The following NKAIN2 variants were observed in gnomAD, a reference collection of about 807,000 sequenced individuals.
NKAIN2 encodes sodium/potassium-transporting ATPase subunit beta-1-interacting protein 2.
Under a neutral mutation model 32.6 loss-of-function variants are expected in NKAIN2, and 14 were observed. That is an observed-to-expected ratio of 0.43 (90% CI 0.28 to 0.67). The LOEUF (loss-of-function observed/expected upper bound fraction) is 0.67, where lower values mean the gene tolerates loss of function less well. Among genes scored for constraint, NKAIN2 ranks in the 30% least tolerant of loss-of-function variants. The pLI, the probability that NKAIN2 is intolerant of heterozygous loss-of-function variation, is 0.17. For synonymous variants in NKAIN2, 80 were observed against 87.2 expected (o/e 0.92, Z 0.46); for missense variants, 198 against 258.3 (o/e 0.77, Z 1.60).
chr6:124,312,004 TC>T, intron 2 of NKAIN2, among the ~76,000 whole-genome samples: 1 of 152,226 alleles, frequency 6.6e-6, no homozygotes, highest in African/African-American at 2.4e-5. Context: ...CCTGTCAACC[TC>T]CAGTTGTAAA....
intron 2 of NKAIN2, among the ~76,000 whole-genome samples, chr6:124,331,357 A>AC (rs1216301428): frequency 9.7e-5 from 13 of 134,400 alleles, no homozygotes; most frequent in Non-Finnish European, 2.0e-4. Context: ...AAAAAAAAAA[A>AC]AAAAAAAAAA....
intron 3 of NKAIN2, among the ~76,000 whole-genome samples, chr6:124,394,456 G>GAGAC (rs1554200046): frequency 7.0e-6 from 1 of 143,580 alleles, no homozygotes; most frequent in Non-Finnish European, 1.5e-5. Flanking sequence ...GAATCAATAT[G>GAGAC]AGATAGATAG....
chr6:124,077,052 G>A (rs999896021), intron 1 of NKAIN2, among the ~76,000 whole-genome samples: 5 of 152,126 alleles, frequency 3.3e-5, no homozygotes, highest in Non-Finnish European at 1.5e-5. Context: ...TTGTAAATTC[G>A]AAATAACAGT....
chr6:123,836,389 C>A (rs1011836573), intron 1 of NKAIN2, among the ~76,000 whole-genome samples: 1 of 151,706 alleles, frequency 6.6e-6, no homozygotes, highest in African/African-American at 2.4e-5. Flanking sequence ...TATCATGTAC[C>A]CCTTGATATG....
intron 3 of NKAIN2, among the ~76,000 whole-genome samples, chr6:124,656,347 A>G (rs73575532): frequency 2.6e-5 from 4 of 152,064 alleles, no homozygotes; most frequent in African/African-American, 9.7e-5. Context: ...TCAAAATTAA[A>G]CTTCTTCCTT....
intron 3 of NKAIN2, among the ~76,000 whole-genome samples, chr6:124,657,284 AC>A (rs909248861): frequency 2.0e-5 from 3 of 152,082 alleles, no homozygotes; most frequent in African/African-American, 7.2e-5. Context: ...CCCATAACTG[AC>A]CTTTTTTTCT....
intron 5 of NKAIN2, among the ~76,000 whole-genome samples, chr6:124,815,225 CATATATATATATATAT>C (rs1387117656): frequency 1.1e-3 from 156 of 136,994 alleles, no homozygotes; most frequent in African/African-American, 4.0e-3. Flanking sequence ...TATATATATA[CATATATATATATATAT>C]GTATATATGT....
At chr6:123,838,280 A>G (rs979962768) in intron 1 of NKAIN2, among the ~76,000 whole-genome samples, 13 of 152,118 alleles carry the variant, frequency 8.5e-5, no homozygotes, top group African/African-American at 2.7e-4. Flanking sequence ...TCTAATATAC[A>G]TGGAAACTTA....
chr6:124,547,781 A>G (rs1048314316), intron 3 of NKAIN2, among the ~76,000 whole-genome samples: 2 of 152,180 alleles, frequency 1.3e-5, no homozygotes, highest in African/African-American at 4.8e-5. Flanking sequence ...TAGTAGGAGT[A>G]GTGTAATATA....
At position 123,876,492 on chromosome 6, in the gene NKAIN2, C is replaced by A. The variant is rs148033374; in HGVS notation, c.54+72238C>A. On this transcript the variant is annotated intron_variant, in intron 1 of 6. Transcript: ENST00000368417. ...CAAGATTTTATAAAGGATTTGCTCA[C>A]GTGTTTATGGCAGCTGAGAAGTCCC... Among the ~76,000 whole-genome samples, 535 of 152,184 alleles carry A rather than the reference C, an allele frequency of 3.5e-3. 1 individual carries two copies. Among genetic ancestry groups the A allele is most frequent in the African/African-American group, 0.012 (513 of 41,512 alleles).
chr6:124,526,482 A>C (rs1393973314), intron 3 of NKAIN2, among the ~76,000 whole-genome samples: 1 of 152,104 alleles, frequency 6.6e-6, no homozygotes, highest in Non-Finnish European at 1.5e-5. Context: ...GTTAATTGCT[A>C]CTGGGGTATA....
chr6:124,698,288 GCTT>G lies in NKAIN2; in HGVS notation c.474+39904_474+39906del, dbSNP rs1405458494. On this transcript the variant is annotated intron_variant, in intron 4 of 6. Coordinates refer to ENST00000368417, the MANE Select transcript of NKAIN2 (RefSeq NM_001040214.3). ...CCATTTAAAATATCTAAGCTACTGT[GCTT>G]CATCATAAAATTGACCTTTTTAATT... 5.9e-5 allele frequency among the ~76,000 whole-genome samples: 9 copies of G among 152,158 alleles called. No homozygotes were observed. The East Asian group carries it at 1.4e-3, about 23-fold the overall frequency.
chr6:124,389,166 A>G (rs1459338484), intron 3 of NKAIN2, among the ~76,000 whole-genome samples: 1 of 152,106 alleles, frequency 6.6e-6, no homozygotes, highest in Admixed American at 6.6e-5. Flanking sequence ...ACAATGGTTC[A>G]GTATTCACTA....
intron 1 of NKAIN2, among the ~76,000 whole-genome samples, chr6:124,196,026 G>A (rs1264285247): frequency 2.6e-5 from 4 of 151,964 alleles, no homozygotes; most frequent in African/African-American, 7.2e-5. Flanking sequence ...TTGAAGATAT[G>A]CAAATATCTA....
intron 1 of NKAIN2, among the ~76,000 whole-genome samples, chr6:123,832,140 G>A (rs183499536): frequency 1.3e-5 from 2 of 152,136 alleles, no homozygotes; most frequent in Middle Eastern, 3.4e-3. Flanking sequence ...TCATCTCTGC[G>A]CCCCAGCCAA....
intron 2 of NKAIN2, among the ~76,000 whole-genome samples, chr6:124,348,967 T>G (rs1175679589): frequency 6.6e-6 from 1 of 152,034 alleles, no homozygotes; most frequent in Non-Finnish European, 1.5e-5. Context: ...GCTCGGAGGG[T>G]CCTATGCCCA....
intron 1 of NKAIN2, among the ~76,000 whole-genome samples, chr6:124,012,286 A>G (rs947853521): frequency 2.0e-5 from 3 of 151,480 alleles, no homozygotes; most frequent in African/African-American, 4.9e-5. Context: ...AGGATTTTAT[A>G]TAAATAGAAG....
intron 4 of NKAIN2, among the ~76,000 whole-genome samples, chr6:124,752,683 G>T (rs557744772): frequency 2.6e-5 from 4 of 152,090 alleles, no homozygotes; most frequent in African/African-American, 9.6e-5. Flanking sequence ...AGACTTGTGG[G>T]TAGGTCAGCA....
intron 2 of NKAIN2, among the ~76,000 whole-genome samples, chr6:124,353,326 T>A (rs572933842): frequency 6.6e-6 from 1 of 152,292 alleles, no homozygotes; most frequent in Admixed American, 6.5e-5. Context: ...ACAAAGTTTG[T>A]TGCAGCACTA....
Sources: allele counts gnomAD v4.1 joint callset (sites outside exome capture counted in the v4.1 genomes callset), GRCh38; gene constraint gnomAD v4.1.1; transcripts MANE v1.5; gene names NCBI Gene and HGNC (gene_info 2026-07-23, HGNC 2026-07-21).